Variants in ELF1 observed in about 807,000 individuals in gnomAD.
ELF1 encodes E74 like ETS transcription factor 1, also known as ETS-related transcription factor Elf-1.
Under a neutral mutation model 59.9 loss-of-function variants are expected in ELF1, and 24 were observed. The ratio of observed to expected loss-of-function variants is 0.40; its 90% confidence interval spans 0.29 to 0.56. The LOEUF (loss-of-function observed/expected upper bound fraction) is 0.56, where lower values mean the gene tolerates loss of function less well. ELF1 is among the 20% of genes least tolerant of loss of function. The pLI, the probability that ELF1 is intolerant of heterozygous loss-of-function variation, is 0.44. For missense variants in ELF1, 627 were observed against 742.2 expected (o/e 0.84, Z 1.80); for synonymous variants, 248 against 266.2 (o/e 0.93, Z 0.67).
chr13:40,950,769 A>G (rs948050674), intron 4 of ELF1, among the ~76,000 whole-genome samples: 1 of 152,272 alleles, frequency 6.6e-6, no homozygotes, highest in African/African-American at 2.4e-5. Flanking sequence ...AAGGAACAGT[A>G]TCTGCTCATT....
intron 1 of ELF1, among the ~76,000 whole-genome samples, chr13:41,001,565 A>G (rs918459773): frequency 1.3e-5 from 2 of 152,222 alleles, no homozygotes; most frequent in African/African-American, 4.8e-5. Context: ...CGTGGTTGGC[A>G]TAAGAACAGA....
At chr13:40,947,187 C>T (rs1870560161) in intron 5 of ELF1, among the ~76,000 whole-genome samples, 1 of 150,782 alleles carries the variant, frequency 6.6e-6, no homozygotes, top group Admixed American at 6.6e-5. Flanking sequence ...CCCCAAACTA[C>T]AAACAACCCA....
At position 40,982,205 on chromosome 13, in the gene ELF1, C is replaced by T; in HGVS notation, c.-151G>A. ...CAAGTTTTCTTTAGGGAAGGTGCTT[C>T]AGTTTTCCTGGTTCATTGATATTCT... On this transcript the variant is annotated 5_prime_UTR_variant, in exon 2 of 9. An upstream open reading frame in the 5' UTR loses its in-frame stop. Transcript: ENST00000239882. The T allele has an allele frequency of 7.7e-7, 1 of 1,302,138 alleles. No individual in the cohort carries two copies. The highest frequency in any genetic ancestry group is 9.8e-7 in the Non-Finnish European group (1 of 1,023,308). The allele number at this position is 1,302,138 out of a possible 1,614,324, so 80.7% of individuals were successfully genotyped here.
chr13:40,954,637 G>A (rs1426361394), intron 3 of ELF1, among the ~76,000 whole-genome samples: 64 of 152,186 alleles, frequency 4.2e-4, no homozygotes, highest in Non-Finnish European at 7.8e-4. Flanking sequence ...TTTGGTGGAG[G>A]CGGGGTTTTG....
chr13:40,950,786 T>C (rs960878839), intron 4 of ELF1, among the ~76,000 whole-genome samples: 9 of 152,262 alleles, frequency 5.9e-5, no homozygotes, highest in African/African-American at 2.2e-4. Context: ...CATTTGTATC[T>C]CATGTTATTG....
intron 1 of ELF1, among the ~76,000 whole-genome samples, chr13:40,988,040 A>G (rs1253753383): frequency 2.0e-5 from 3 of 152,208 alleles, no homozygotes; most frequent in Non-Finnish European, 4.4e-5. Context: ...CATAATCTGT[A>G]ATGACTGAAT....
intron 1 of ELF1, among the ~76,000 whole-genome samples, chr13:41,024,401 C>T (rs530142528): frequency 2.6e-5 from 4 of 152,056 alleles, no homozygotes; most frequent in East Asian, 1.9e-4. Context: ...GGCACCTCAG[C>T]GTAAAGCAAT....
At chr13:40,985,794 TAAATTTA>T (rs1374152624) in intron 1 of ELF1, among the ~76,000 whole-genome samples, 1 of 152,248 alleles carries the variant, frequency 6.6e-6, no homozygotes, top group East Asian at 1.9e-4. Context: ...AGGTCCTCAG[TAAATTTA>T]AAACTTGTTT....
intron 1 of ELF1, among the ~76,000 whole-genome samples, chr13:40,990,988 T>G (rs1001971999): frequency 2.6e-5 from 4 of 152,112 alleles, no homozygotes; most frequent in African/African-American, 9.7e-5. Flanking sequence ...AGAAGAGTCC[T>G]GATGATGGCA....
intron 1 of ELF1, among the ~76,000 whole-genome samples, chr13:41,054,354 G>A (rs137964037): frequency 3.9e-5 from 6 of 152,272 alleles, no homozygotes; most frequent in Non-Finnish European, 5.9e-5. Context: ...ACAGTAAATC[G>A]CAAATGAATG....
rs531866886 is a variant in ELF1 at position 40,956,443 on chromosome 13, G to A, written c.253+2393C>T. 7.5e-4 allele frequency among the ~76,000 whole-genome samples: 114 copies of A among 152,026 alleles called. 1 individual carries two copies. Among genetic ancestry groups the A allele is most frequent in the African/African-American group, 2.4e-3 (98 of 41,494 alleles). ...AGGGACACAAACACTGTGGAAGGCCGCAGGGTCCTCTGCCTAGGAAAACCA... is the reference window on the plus strand; with the variant it reads ...AGGGACACAAACACTGTGGAAGGCCACAGGGTCCTCTGCCTAGGAAAACCA... On this transcript the variant is annotated intron_variant, in intron 3 of 8. Transcript: ENST00000239882.
At chr13:41,047,327 G>A (rs898125809) in intron 1 of ELF1, among the ~76,000 whole-genome samples, 10 of 152,236 alleles carry the variant, frequency 6.6e-5, no homozygotes, top group Non-Finnish European at 1.0e-4. Flanking sequence ...GCGAGGAGCT[G>A]CATTCCTTTG....
chr13:40,993,032 G>A, intron 1 of ELF1: 1 of 1,559,032 alleles, frequency 6.4e-7, no homozygotes, highest in African/African-American at 1.4e-5. Flanking sequence ...CTGTTCAGAG[G>A]AACTCTCTGA....
chr13:40,971,152 G>A lies in ELF1; in HGVS notation c.72+10831C>T, dbSNP rs74045978. ...AATTTATTACTAAGTCATAATGAAA[G>A]TCTCATTTCAATTAACGCTTGGATA... On this transcript the variant is annotated intron_variant, in intron 2 of 8. Transcript: ENST00000239882. Among the ~76,000 whole-genome samples, 1,438 of 151,770 alleles carry A rather than the reference G, an allele frequency of 9.5e-3. 20 individuals carry two copies. Among genetic ancestry groups the A allele is most frequent in the African/African-American group, 0.033 (1,370 of 41,370 alleles).
Position 40,933,386 on chromosome 13 carries a change from C to T in ELF1, c.*39G>A, listed in dbSNP as rs776243721. On this transcript the variant is annotated 3_prime_UTR_variant, in exon 9 of 9. Transcript: ENST00000239882. Reference sequence around the variant, plus strand: ...CAGTCTGCATATAATTGAAAATGTTCAATTAACAAACAATTATTCATAAGC... The same window carrying T: ...CAGTCTGCATATAATTGAAAATGTTTAATTAACAAACAATTATTCATAAGC... 2 of 1,571,360 alleles carry T rather than the reference C, an allele frequency of 1.3e-6. No individual in the cohort carries two copies. Among genetic ancestry groups the T allele is most frequent in the Non-Finnish European group, 1.7e-6 (2 of 1,160,620 alleles).
chr13:40,932,566 T>A lies in ELF1; in HGVS notation c.*859A>T, dbSNP rs1869478789. On this transcript the variant is annotated 3_prime_UTR_variant, in exon 9 of 9. Transcript: ENST00000239882. ...AAACAAATTATTTAGGAAGAATTTATGGCAGATCTTACCCATAACAGATGA... is the reference window on the plus strand; with the variant it reads ...AAACAAATTATTTAGGAAGAATTTAAGGCAGATCTTACCCATAACAGATGA... 1.3e-5 allele frequency: 2 copies of A among 152,248 alleles called. No individual in the cohort carries two copies. The highest frequency in any genetic ancestry group is 2.4e-5 in the African/African-American group (1 of 41,468). 9.4% of individuals were successfully genotyped at this position (152,248 alleles called of 1,614,324 possible). A position where few individuals can be genotyped will look rare whatever the true frequency, so the allele number is the denominator to read the frequency against.
intron 2 of ELF1, among the ~76,000 whole-genome samples, chr13:40,976,832 A>G (rs188066371): frequency 0.011 from 1,686 of 152,308 alleles, 46 homozygotes; most frequent in African/African-American, 0.038. Flanking sequence ...GGCATGAGCC[A>G]CTGCACCCGG....
chr13:41,046,656 T>C (rs922287664), intron 1 of ELF1, among the ~76,000 whole-genome samples: 20 of 152,232 alleles, frequency 1.3e-4, no homozygotes, highest in Non-Finnish European at 2.9e-5. Context: ...AGAGATCTGC[T>C]GTTAGTCTGA....
intron 3 of ELF1, among the ~76,000 whole-genome samples, chr13:40,955,439 C>A: frequency 7.4e-6 from 1 of 135,618 alleles, no homozygotes; most frequent in Non-Finnish European, 1.6e-5. Flanking sequence ...CAGCCCCCCG[C>A]CCGGCCAGCC....
Sources: allele counts gnomAD v4.1 joint callset (sites outside exome capture counted in the v4.1 genomes callset), GRCh38; gene constraint gnomAD v4.1.1; transcripts MANE v1.5; gene names NCBI Gene and HGNC (gene_info 2026-07-23, HGNC 2026-07-21).